Variants in RFX4 observed in about 807,000 individuals in gnomAD.
The protein encoded by RFX4 is transcription factor RFX4.
Under a neutral mutation model 95.0 loss-of-function variants are expected in RFX4, and 10 were observed. The observed-to-expected ratio is 0.11, with a 90% confidence interval of 0.06 to 0.18. The LOEUF is 0.18. Among genes scored for constraint, RFX4 ranks in the 10% least tolerant of loss-of-function variants. The pLI, the probability that RFX4 is intolerant of heterozygous loss-of-function variation, is 1.00. For synonymous variants in RFX4, 321 were observed against 340.7 expected (o/e 0.94, Z 0.64); for missense variants, 640 against 922.0 (o/e 0.69, Z 3.96).
chr12:106,608,684 A>G, intron 1 of RFX4, 113 bp from the exon 2 acceptor site: 1 of 987,418 alleles, frequency 1.0e-6, no homozygotes, highest in Middle Eastern at 3.1e-4. Flanking sequence ...ATTGATGAGC[A>G]TTTAAATCTA....
intron 13 of RFX4, among the ~76,000 whole-genome samples, chr12:106,727,203 A>G (rs2042517390): frequency 6.6e-6 from 1 of 152,222 alleles, no homozygotes; most frequent in South Asian, 2.1e-4. Context: ...CAATTAACAT[A>G]CTATATTAAT....
chr12:106,623,229 A>C (rs58320321), intron 2 of RFX4, among the ~76,000 whole-genome samples: 1 of 145,542 alleles, frequency 6.9e-6, no homozygotes, highest in Non-Finnish European at 1.5e-5. Context: ...TAGTAGAGAC[A>C]GGGTTTCACG....
At chr12:106,687,592 C>G (rs570434225) in intron 6 of RFX4, among the ~76,000 whole-genome samples, 3 of 151,608 alleles carry the variant, frequency 2.0e-5, no homozygotes, top group East Asian at 3.9e-4. Context: ...AAAGCATGGA[C>G]TATAGTTAAT....
At chr12:106,584,573 G>T (rs1439823892) in intron 1 of RFX4, among the ~76,000 whole-genome samples, 1 of 152,118 alleles carries the variant, frequency 6.6e-6, no homozygotes, top group African/African-American at 2.4e-5. Flanking sequence ...AACAAATGCC[G>T]CACGAATGTC....
intron 1 of RFX4, among the ~76,000 whole-genome samples, chr12:106,603,322 A>C (rs2039751974): frequency 6.6e-6 from 1 of 152,262 alleles, no homozygotes; most frequent in Non-Finnish European, 1.5e-5. Context: ...GAAGCCTTGT[A>C]GAAAACATGA....
chr12:106,751,227 A>G (rs2042999011), intron 17 of RFX4, among the ~76,000 whole-genome samples: 2 of 151,400 alleles, frequency 1.3e-5, no homozygotes, highest in African/African-American at 4.9e-5. Context: ...GAGAATGATG[A>G]TTTCCAATTT....
intron 2 of RFX4, among the ~76,000 whole-genome samples, chr12:106,634,026 G>A (rs1282059502): frequency 1.3e-5 from 2 of 152,198 alleles, no homozygotes; most frequent in Non-Finnish European, 2.9e-5. Context: ...TGTTTTAAGT[G>A]TAGATATGCA....
At chr12:106,607,332 G>A (rs1401629395) in intron 1 of RFX4, among the ~76,000 whole-genome samples, 1 of 152,146 alleles carries the variant, frequency 6.6e-6, no homozygotes, top group African/African-American at 2.4e-5. Context: ...TGATATCACA[G>A]TTTTGCACGT....
chr12:106,683,985 T>C (rs544679945), intron 5 of RFX4, among the ~76,000 whole-genome samples: 51 of 152,324 alleles, frequency 3.3e-4, no homozygotes, highest in African/African-American at 1.1e-3. Context: ...CTTCGACCAG[T>C]TGAAAGGCAG....
chr12:106,737,542 C>T (rs1440629257), intron 15 of RFX4, among the ~76,000 whole-genome samples: 1 of 152,040 alleles, frequency 6.6e-6, no homozygotes, highest in Non-Finnish European at 1.5e-5. Flanking sequence ...TTTTAGGAAA[C>T]TTAAAAGTAT....
chr12:106,623,339 T>C (rs1274395628), intron 2 of RFX4, among the ~76,000 whole-genome samples: 2 of 152,180 alleles, frequency 1.3e-5, no homozygotes. Context: ...TAGTCTTTTA[T>C]AGTGTTTTTT....
intron 2 of RFX4, among the ~76,000 whole-genome samples, chr12:106,617,450 A>C (rs1463348681): frequency 6.6e-6 from 1 of 152,200 alleles, no homozygotes; most frequent in African/African-American, 2.4e-5. Context: ...TTGTTCAGTT[A>C]AACATATTTT....
In RFX4 at chr12:106,686,874, T is replaced by C. The variant is rs776966602; in HGVS notation, c.378-10T>C. On this transcript the variant is annotated splice_polypyrimidine_tract_variant and intron_variant, in intron 5 of 17. Transcript: ENST00000392842. ...TTTTCTCTCTCTCCCTCCCTCCCCT[T>C]GTGGCCCAGGTACCATTACTATGGC... 85 of 1,605,328 alleles carry C rather than the reference T, an allele frequency of 5.3e-5. No individual in the cohort carries two copies. The South Asian group carries it at 7.6e-4, about 14-fold the overall frequency.
chr12:106,755,791 A>C (rs2043097649), intron 17 of RFX4, among the ~76,000 whole-genome samples: 1 of 152,218 alleles, frequency 6.6e-6, no homozygotes, highest in African/African-American at 2.4e-5. Context: ...CACCAGGGAA[A>C]AGGACAGTCT....
At chr12:106,701,123 T>C (rs995149485) in intron 8 of RFX4, among the ~76,000 whole-genome samples, 2 of 152,248 alleles carry the variant, frequency 1.3e-5, no homozygotes, top group African/African-American at 4.8e-5. Flanking sequence ...CTCTTTGATT[T>C]TGAGAAATAC....
rs575481346 is a variant in RFX4, at chr12:106,688,072, T to C, written c.591+975T>C. The stretch of plus-strand genomic sequence containing the variant: ...CTTGGGGTATCACATTTCTTTTTTT[T>C]TTTTTTTTTTTTTTTGAGATGGAGT... On this transcript the variant is annotated intron_variant, in intron 6 of 17. Transcript: ENST00000392842. 1.7e-3 allele frequency among the ~76,000 whole-genome samples: 253 copies of C among 145,544 alleles called. 1 individual carries two copies. The highest frequency in any genetic ancestry group is 4.0e-3 in the Admixed American group (59 of 14,650).
chr12:106,634,488 A>G (rs1030103087), intron 2 of RFX4, among the ~76,000 whole-genome samples: 1 of 152,148 alleles, frequency 6.6e-6, no homozygotes, highest in Non-Finnish European at 1.5e-5. Context: ...TAATCCTCCC[A>G]ACAACCTTTT....
chr12:106,646,786 C>A (rs183199039), intron 3 of RFX4, among the ~76,000 whole-genome samples: 1 of 152,030 alleles, frequency 6.6e-6, no homozygotes, highest in Non-Finnish European at 1.5e-5. Flanking sequence ...GAGGAGGAAA[C>A]CAAGGTAGTC....
chr12:106,682,254 C>T (rs759865442), intron 5 of RFX4, 200 bp downstream of exon 5: 32 of 576,332 alleles, frequency 5.6e-5, no homozygotes, highest in African/African-American at 9.3e-5. Flanking sequence ...AAGCCCAAGA[C>T]GAGTTGGCTC....
Sources: gnomAD v4.1 joint callset for allele counts (sites outside exome capture counted in the v4.1 genomes callset) on GRCh38, gnomAD v4.1.1 for gene constraint, MANE v1.5 for transcripts, NCBI Gene and HGNC (gene_info 2026-07-23, HGNC 2026-07-21) for gene names.